Variants in PHLPP1 observed in about 807,000 individuals in gnomAD.
The protein encoded by PHLPP1 is PH domain leucine-rich repeat-containing protein phosphatase 1.
PHLPP1 carries 42 observed loss-of-function variants against 117.2 expected under a neutral mutation model. The ratio of observed to expected loss-of-function variants is 0.36; its 90% CI spans 0.28 to 0.46. PHLPP1 has a LOEUF of 0.46. PHLPP1 is among the 20% of genes least tolerant of loss of function. The pLI, the probability that PHLPP1 is intolerant of heterozygous loss-of-function variation, is 1.00. For synonymous variants in PHLPP1, 1,042 were observed against 970.7 expected, an observed-to-expected ratio of 1.07 and a Z score of -1.37; for missense variants, 2,084 against 2,241.9, an observed-to-expected ratio of 0.93 and a Z score of 1.42.
chr18:62,808,203 A>T (rs1458506660), intron 1 of PHLPP1, among the ~76,000 whole-genome samples: 1 of 152,202 alleles, frequency 6.6e-6, no homozygotes, highest in Non-Finnish European at 1.5e-5. Flanking sequence ...TTTTCTGAAG[A>T]TGAGTTAATC....
chr18:62,941,661 T>G, intron 10 of PHLPP1, 57 bp from the exon 11 acceptor site: 1 of 1,303,706 alleles, frequency 7.7e-7, no homozygotes, highest in Non-Finnish European at 1.1e-6. Context: ...AGCTTTTAGG[T>G]TTCTTGAGGG....
At chr18:62,973,613 C>G (rs2144491564) in intron 15 of PHLPP1, among the ~76,000 whole-genome samples, 2 of 152,208 alleles carry the variant, frequency 1.3e-5, no homozygotes, top group African/African-American at 4.8e-5. Context: ...GCAGCCTTTA[C>G]AGTGATACCT....
intron 10 of PHLPP1, among the ~76,000 whole-genome samples, chr18:62,937,551 G>A (rs1213440806): frequency 6.6e-6 from 1 of 152,168 alleles, no homozygotes; most frequent in East Asian, 1.9e-4. Flanking sequence ...GAGACACATG[G>A]TAGAAAACTG....
At position 62,770,904 on chromosome 18, in the gene PHLPP1, GT is replaced by G. The variant is rs373143177; in HGVS notation, c.1576+53646del. On this transcript the variant is annotated intron_variant, in intron 1 of 16. Transcript: ENST00000262719. ...TAATTTTGTGCATGAAACAAAGATG[GT>G]ATATACATTGAACCTTTAGAAAGCA... Among the ~76,000 whole-genome samples the G allele has an allele frequency of 2.0e-4, 31 of 152,150 alleles. No individual in the cohort carries two copies. The East Asian group carries it at 4.3e-3, about 21-fold the overall frequency.
chr18:62,839,006 C>G (rs979516928), intron 3 of PHLPP1, 97 bp downstream of exon 3: 1 of 1,318,642 alleles, frequency 7.6e-7, no homozygotes, highest in Non-Finnish European at 1.0e-6. Context: ...TAGTTACACA[C>G]ACTTTTTTTT....
chr18:62,886,818 AATT>A (rs898078248), intron 4 of PHLPP1, among the ~76,000 whole-genome samples: 3 of 152,348 alleles, frequency 2.0e-5, no homozygotes, highest in Non-Finnish European at 4.4e-5. Flanking sequence ...TCATTTTAAT[AATT>A]AAGATTACTC....
At chr18:62,817,079 C>T (rs1914299701) in intron 1 of PHLPP1, among the ~76,000 whole-genome samples, 1 of 152,158 alleles carries the variant, frequency 6.6e-6, no homozygotes, top group African/African-American at 2.4e-5. Context: ...GTAGCTGGGA[C>T]TACAGGTGCA....
chr18:62,916,218 A>C (rs1017566141), intron 9 of PHLPP1, among the ~76,000 whole-genome samples: 1 of 152,056 alleles, frequency 6.6e-6, no homozygotes, highest in Non-Finnish European at 1.5e-5. Context: ...GAAGTGCTAT[A>C]AGTGTAAAAT....
intron 4 of PHLPP1, among the ~76,000 whole-genome samples, chr18:62,862,715 C>T (rs1398440016): frequency 6.6e-6 from 1 of 152,090 alleles, no homozygotes; most frequent in Non-Finnish European, 1.5e-5. Context: ...CAGTGTGCAC[C>T]AGAAGTGTTT....
At chr18:62,813,884 T>C (rs979683412) in intron 1 of PHLPP1, among the ~76,000 whole-genome samples, 3 of 152,222 alleles carry the variant, frequency 2.0e-5, no homozygotes, top group Non-Finnish European at 2.9e-5. Context: ...ATGTTTATGA[T>C]TTTGATGTTG....
intron 1 of PHLPP1, among the ~76,000 whole-genome samples, chr18:62,787,068 C>T (rs1371937638): frequency 1.3e-5 from 2 of 152,012 alleles, no homozygotes; most frequent in Non-Finnish European, 2.9e-5. Context: ...CTCACTTTGT[C>T]GCCCAGGCCA....
At position 62,716,723 on chromosome 18, in the gene PHLPP1, C is replaced by G. The variant is rs779380478; in HGVS notation, c.1040C>G (p.Thr347Ser). 662 of 1,503,738 alleles carry G rather than the reference C, an allele frequency of 4.4e-4. No individual in the cohort carries two copies. The highest frequency in any genetic ancestry group is 5.5e-4 in the Non-Finnish European group (621 of 1,131,092). 93.1% of individuals were successfully genotyped at this position (1,503,738 alleles called of 1,614,324 possible). Residue 347 changes from threonine to serine, a missense_variant, in exon 1 of 17, where the codon ACC becomes AGC. Physicochemically the swap from Thr to Ser is moderately conservative, Grantham distance 58 (BLOSUM62 1). This residue lies in a region of PHLPP1 where 719 missense variants were observed against 636.0 expected (regional missense o/e 1.13). Transcript: ENST00000262719. The surrounding 1 kb of genome is among the most constrained non-coding windows in gnomAD (Gnocchi z 5.7). ...PRAPRPVVSD[T>S]ESFSLSPSAE... ...GCCCCACGGCCTGTGGTCTCCGACA[C>G]CGAGAGCTTCAGTCTGAGTCCCAGC...
intron 1 of PHLPP1, among the ~76,000 whole-genome samples, chr18:62,775,038 G>T (rs931653769): frequency 1.3e-5 from 2 of 151,972 alleles, no homozygotes; most frequent in African/African-American, 4.8e-5. Flanking sequence ...CTACTCTATT[G>T]AAACTACATT....
intron 10 of PHLPP1, among the ~76,000 whole-genome samples, chr18:62,937,881 G>T (rs934849289): frequency 1.3e-5 from 2 of 152,052 alleles, no homozygotes; most frequent in Non-Finnish European, 2.9e-5. Context: ...GCATGGTGGT[G>T]CATGCCTGTA....
At chr18:62,891,888 C>CAAAAAAA (rs574107579) in intron 4 of PHLPP1, among the ~76,000 whole-genome samples, 1 of 79,124 alleles carries the variant, frequency 1.3e-5, no homozygotes, top group African/African-American at 4.7e-5. Flanking sequence ...GACCCTTTCT[C>CAAAAAAA]AAAAAAAAAA....
chr18:62,836,602 C>T (rs946471409), intron 2 of PHLPP1, among the ~76,000 whole-genome samples: 7 of 151,748 alleles, frequency 4.6e-5, no homozygotes, highest in Non-Finnish European at 7.4e-5. Context: ...TTATACTATC[C>T]TCATAGAATG....
chr18:62,805,840 C>T (rs1053539394), intron 1 of PHLPP1, among the ~76,000 whole-genome samples: 1 of 150,332 alleles, frequency 6.7e-6, no homozygotes. Flanking sequence ...TGGCAGAGGT[C>T]AAGATTCTTT....
In PHLPP1 at chr18:62,947,573, T is replaced by C. The variant is rs115495435; in HGVS notation, c.3324+2302T>C. ...TTGTTAAACTGGTCTCTATGTGTGGTGCAGGTGAAATTCTAGCACAAGAGA... is the reference window on the plus strand; with the variant it reads ...TTGTTAAACTGGTCTCTATGTGTGGCGCAGGTGAAATTCTAGCACAAGAGA... On this transcript the variant is annotated intron_variant, in intron 12 of 16. Transcript: ENST00000262719. Among the ~76,000 whole-genome samples, 751 of 152,336 alleles carry C rather than the reference T, an allele frequency of 4.9e-3. 4 individuals are homozygous for C. The highest frequency in any genetic ancestry group is 0.017 in the African/African-American group (717 of 41,576).
intron 12 of PHLPP1, among the ~76,000 whole-genome samples, chr18:62,952,389 G>A (rs991702989): frequency 6.6e-6 from 1 of 152,164 alleles, no homozygotes; most frequent in Non-Finnish European, 1.5e-5. Context: ...TGAACAAACA[G>A]AATGCTAAGG....
Sources: gnomAD v4.1 joint callset for allele counts (sites outside exome capture counted in the v4.1 genomes callset) on GRCh38, gnomAD v4.1.1 for gene constraint, gnomAD v4.1.1 regional missense constraint, Gnocchi (gnomAD v3.1) non-coding constraint, MANE v1.5 for transcripts, NCBI Gene and HGNC (gene_info 2026-07-23, HGNC 2026-07-21) for gene names.